The following ATP6V0D1 variants were observed in gnomAD, a reference collection of about 807,000 sequenced individuals.
ATP6V0D1 encodes V-type proton ATPase subunit d 1.
ATP6V0D1 carries 13 observed loss-of-function variants against 39.0 expected under a neutral mutation model. That is an observed-to-expected ratio of 0.33 (90% CI 0.22 to 0.53). The LOEUF (loss-of-function observed/expected upper bound fraction) is 0.53. Ranked by LOEUF, ATP6V0D1 falls within the 20% of genes least tolerant of loss-of-function variation. The pLI is 0.94. For missense variants in ATP6V0D1, 272 were observed against 470.9 expected (o/e 0.58, Z 3.91); for synonymous variants, 191 against 191.2 (o/e 1.00, Z 0.01).
At chr16:67,468,275 G>C (rs2041345864) in intron 1 of ATP6V0D1, among the ~76,000 whole-genome samples, 1 of 152,030 alleles carries the variant, frequency 6.6e-6, no homozygotes, top group Non-Finnish European at 1.5e-5. Context: ...CTGGGCGACA[G>C]AGTGAGACCC....
intron 2 of ATP6V0D1, among the ~76,000 whole-genome samples, chr16:67,449,090 G>C (rs2041148904): frequency 6.6e-6 from 1 of 152,234 alleles, no homozygotes; most frequent in Non-Finnish European, 1.5e-5. Flanking sequence ...TTAGGCATTT[G>C]AGGCCACTGT....
In ATP6V0D1 at chr16:67,438,461, GCACACACACGCGCACACACA is replaced by G; in HGVS notation, c.*47_*66del. 3.3e-6 allele frequency: 5 copies of G among 1,536,484 alleles called. No individual in the cohort carries two copies. The highest frequency in any genetic ancestry group is 1.8e-4 in the Middle Eastern group (1 of 5,642). On this transcript the variant is annotated 3_prime_UTR_variant, in exon 8 of 8. Coordinates refer to ENST00000290949, the MANE Select transcript of ATP6V0D1 (RefSeq NM_004691.5). ...TGTCACAGACCACATACACACACAC[GCACACACACGCGCACACACA>G]CACACACACACACAAAGAGTGCAAT...
At chr16:67,459,274 C>A (rs2041269951) in intron 1 of ATP6V0D1, 22 of 985,138 alleles carry the variant, frequency 2.2e-5, no homozygotes, top group Non-Finnish European at 2.3e-5. Context: ...GGAAGACACA[C>A]CCCCAGCCTG....
intron 1 of ATP6V0D1, chr16:67,459,343 G>T: frequency 1.2e-6 from 1 of 862,282 alleles, no homozygotes; most frequent in Non-Finnish European, 1.4e-6. Context: ...CCCTGAGGTT[G>T]CCTGTGTCAA....
intron 1 of ATP6V0D1, among the ~76,000 whole-genome samples, chr16:67,472,594 G>A (rs532695964): frequency 9.9e-4 from 151 of 152,334 alleles, no homozygotes; most frequent in African/African-American, 3.4e-3. Context: ...GCGGCTGGGC[G>A]CGGTGGCTCA....
intron 1 of ATP6V0D1, among the ~76,000 whole-genome samples, chr16:67,475,808 A>G (rs544284521): frequency 6.6e-6 from 1 of 152,352 alleles, no homozygotes; most frequent in South Asian, 2.1e-4. Context: ...TACAGTATCA[A>G]TGAGAACCCC....
At chr16:67,443,290 G>A (rs992002860) in intron 3 of ATP6V0D1, 112 bp from the exon 4 acceptor site, 5 of 1,045,142 alleles carry the variant, frequency 4.8e-6, no homozygotes, top group African/African-American at 3.2e-5. Flanking sequence ...ACAGGGCTGG[G>A]TATTGAGGGG....
At chr16:67,463,417 A>G (rs1447198414) in intron 1 of ATP6V0D1, among the ~76,000 whole-genome samples, 1 of 151,990 alleles carries the variant, frequency 6.6e-6, no homozygotes, top group Non-Finnish European at 1.5e-5. Flanking sequence ...TGTGGTCCCA[A>G]CTACTCGAAA....
At chr16:67,478,613 CAAAAAAA>C (rs1292018624) in intron 1 of ATP6V0D1, among the ~76,000 whole-genome samples, 1 of 51,538 alleles carries the variant, frequency 1.9e-5, no homozygotes, top group African/African-American at 7.2e-5. Flanking sequence ...GACTCTGTCT[CAAAAAAA>C]AAAAAAAAAA....
intron 1 of ATP6V0D1, among the ~76,000 whole-genome samples, chr16:67,466,673 C>T (rs1420288519): frequency 1.3e-5 from 2 of 151,912 alleles, no homozygotes; most frequent in Non-Finnish European, 2.9e-5. Flanking sequence ...TTGTCTCTAC[C>T]AAAAATAAAC....
chr16:67,445,730 C>A, intron 2 of ATP6V0D1: 1 of 352,566 alleles, frequency 2.8e-6, no homozygotes, highest in South Asian at 2.1e-5. Context: ...GGTGAGACTG[C>A]CCAGTTCAGA....
Position 67,480,947 on chromosome 16 carries a change from C to G in ATP6V0D1, c.130+10G>C. ...AGCCTCTATCCCCGCCTTTCGCGGC[C>G]CCGGCTCACCCTCTAGCGTCTCGCA... On this transcript the variant is annotated intron_variant, in intron 1 of 7. Coordinates refer to ENST00000290949, the MANE Select transcript of ATP6V0D1 (RefSeq NM_004691.5). 6.2e-7 allele frequency: 1 copy of G among 1,613,628 alleles called. No individual in the cohort carries two copies. The highest frequency in any genetic ancestry group is 1.1e-5 in the South Asian group (1 of 91,062).
intron 1 of ATP6V0D1, among the ~76,000 whole-genome samples, chr16:67,466,314 C>A (rs1287319988): frequency 7.0e-6 from 1 of 142,488 alleles, no homozygotes; most frequent in East Asian, 2.1e-4. Context: ...AACCCTGTAT[C>A]TAGTAAACAC....
At chr16:67,459,034 G>A in intron 1 of ATP6V0D1, 1 of 984,492 alleles carries the variant, frequency 1.0e-6, no homozygotes, top group South Asian at 4.7e-5. Flanking sequence ...ATGTAGCCCT[G>A]AAGCTGGAGT....
chr16:67,457,968 T>C (rs1046823088), intron 1 of ATP6V0D1, among the ~76,000 whole-genome samples: 3 of 152,194 alleles, frequency 2.0e-5, no homozygotes, highest in African/African-American at 7.2e-5. Flanking sequence ...CCAGGGACGA[T>C]GTCAAAGGGC....
chr16:67,468,488 T>TTGAGCCTGG (rs2041347852), intron 1 of ATP6V0D1, among the ~76,000 whole-genome samples: 1 of 151,080 alleles, frequency 6.6e-6, no homozygotes, highest in Non-Finnish European at 1.5e-5. Flanking sequence ...CTTGGGGGGC[T>TTGAGCCTGG]GAGTTGGGAG....
chr16:67,439,527 A>G, intron 4 of ATP6V0D1, 176 bp from the exon 5 acceptor site: 1 of 632,378 alleles, frequency 1.6e-6, no homozygotes, highest in Non-Finnish European at 2.8e-6. Flanking sequence ...ACTTCTGTGA[A>G]TCAGCCAAGT....
intron 2 of ATP6V0D1, among the ~76,000 whole-genome samples, chr16:67,446,409 AG>A (rs2041115920): frequency 6.6e-6 from 1 of 152,206 alleles, no homozygotes; most frequent in Non-Finnish European, 1.5e-5. Context: ...GGTCAGCTAC[AG>A]GATGTGCACT....
intron 2 of ATP6V0D1, chr16:67,452,178 A>G: frequency 6.6e-7 from 1 of 1,516,330 alleles, no homozygotes; most frequent in Non-Finnish European, 8.8e-7. Context: ...CCCCTAATGT[A>G]GCACCACAAG....
Sources: gnomAD v4.1 joint callset for allele counts (sites outside exome capture counted in the v4.1 genomes callset) on GRCh38, gnomAD v4.1.1 for gene constraint, MANE v1.5 for transcripts, NCBI Gene and HGNC (gene_info 2026-07-23, HGNC 2026-07-21) for gene names.